The following CDH4 variants were observed in gnomAD, a reference collection of about 807,000 sequenced individuals.
CDH4 encodes cadherin 4, also known as cadherin-4.
Under a neutral mutation model 86.0 loss-of-function variants are expected in CDH4, and 33 were observed. That is an observed-to-expected ratio of 0.38 (90% CI 0.29 to 0.51). The LOEUF is 0.51. CDH4 is among the 20% of genes least tolerant of loss of function. The probability of loss-of-function intolerance (pLI) is 0.86; values close to 1 mark genes in which losing one functional copy is unlikely to be tolerated. For missense variants in CDH4, 1,114 were observed against 1,307.4 expected (o/e 0.85, Z 2.28); for synonymous variants, 555 against 549.4 (o/e 1.01, Z -0.14).
intron 2 of CDH4, among the ~76,000 whole-genome samples, chr20:61,497,058 G>A (rs2085668653): frequency 6.7e-6 from 1 of 148,628 alleles, no homozygotes; most frequent in African/African-American, 2.5e-5. Flanking sequence ...AGCCTCTTAC[G>A]TTCACCATTG....
intron 2 of CDH4, among the ~76,000 whole-genome samples, chr20:61,641,465 C>T (rs1197230559): frequency 6.6e-6 from 1 of 152,170 alleles, no homozygotes; most frequent in African/African-American, 2.4e-5. Flanking sequence ...CCAGAGCCCT[C>T]AAGGAATCAT....
chr20:61,594,249 A>G (rs1278346912), intron 2 of CDH4, among the ~76,000 whole-genome samples: 1 of 56,656 alleles, frequency 1.8e-5, no homozygotes, highest in Non-Finnish European at 3.3e-5. Flanking sequence ...TGAGCAGGGG[A>G]AGAGGGTGGG....
chr20:61,720,509 T>G (rs1600911065), intron 2 of CDH4, among the ~76,000 whole-genome samples: 2 of 87,540 alleles, frequency 2.3e-5, no homozygotes, highest in African/African-American at 9.2e-5. Context: ...GGATGCAGAG[T>G]GGAGGGGTAC....
Position 61,937,047 on chromosome 20 carries a change from T to C in CDH4, c.*104T>C. The stretch of plus-strand genomic sequence containing the variant: ...TTCCCGACTCCCTGCGGCTGTGTCC[T>C]TAGTGCTGTTAGGAGGCCCCCCAAT... On this transcript the variant is annotated 3_prime_UTR_variant, in exon 16 of 16. Coordinates refer to ENST00000614565, the MANE Select transcript of CDH4 (RefSeq NM_001794.5). 1 of 962,236 alleles carries C rather than the reference T, an allele frequency of 1.0e-6. No homozygotes were observed. Among genetic ancestry groups the C allele is most frequent in the Non-Finnish European group, 1.5e-6 (1 of 681,476 alleles). The allele number at this position is 962,236 out of a possible 1,614,324, so 59.6% of individuals were successfully genotyped here. A position where few individuals can be genotyped will look rare whatever the true frequency, so the allele number is the denominator to read the frequency against.
rs1980031117 is a variant in CDH4 at position 61,804,675 on chromosome 20, C to T, written c.576+31493C>T. On this transcript the variant is annotated intron_variant, in intron 4 of 15. Transcript: ENST00000614565. The stretch of plus-strand genomic sequence containing the variant: ...TCTGCTGCCTCAGTGTGGGGATCCT[C>T]CAGGGGAGGGAGTGGCCGTAGCCTC... Among the ~76,000 whole-genome samples the T allele has an allele frequency of 2.0e-5, 3 of 152,294 alleles. No homozygotes were observed. The South Asian group carries it at 6.2e-4, about 32-fold the overall frequency.
rs1202326089 is a variant in CDH4, at chr20:61,623,003, T to C, written c.170-120560T>C. Among the ~76,000 whole-genome samples, 1 of 152,146 alleles carries C rather than the reference T, an allele frequency of 6.6e-6. No individual in the cohort carries two copies. Among genetic ancestry groups the C allele is most frequent in the Non-Finnish European group, 1.5e-5 (1 of 68,032 alleles). ...TGCTTGGGACAGTGGGATAGGCCTG[T>C]TACCAACATGGACCACAACCAGTCA... On this transcript the variant is annotated intron_variant, in intron 2 of 15. Transcript: ENST00000614565. This position sits in a 1 kb window ranked among gnomAD's most constrained non-coding sequence, Gnocchi z 4.4.
At chr20:61,888,311 C>T (rs538621549) in intron 7 of CDH4, among the ~76,000 whole-genome samples, 16 of 152,314 alleles carry the variant, frequency 1.1e-4, no homozygotes, top group South Asian at 6.2e-4. Context: ...CTGCTGGCAC[C>T]GTCCCCAGCC....
intron 2 of CDH4, among the ~76,000 whole-genome samples, chr20:61,416,964 T>C (rs2243636): frequency 0.61 from 93,018 of 151,660 alleles, 29,359 homozygotes; most frequent in African/African-American, 0.76. Context: ...ATCTCGGGGG[T>C]TCTTCCAATT....
intron 2 of CDH4, among the ~76,000 whole-genome samples, chr20:61,348,452 A>T (rs775585878): frequency 6.6e-6 from 1 of 152,142 alleles, no homozygotes; most frequent in Non-Finnish European, 1.5e-5. Flanking sequence ...ACATAGCCAG[A>T]CCATATCAAT....
At chr20:61,646,479 G>T (rs528868750) in intron 2 of CDH4, among the ~76,000 whole-genome samples, 1 of 152,216 alleles carries the variant, frequency 6.6e-6, no homozygotes, top group Admixed American at 6.5e-5. Context: ...GGCTCACCCT[G>T]GCTCTGCCAT....
At chr20:61,872,541 G>C (rs1983853169) in intron 6 of CDH4, among the ~76,000 whole-genome samples, 1 of 152,196 alleles carries the variant, frequency 6.6e-6, no homozygotes, top group African/African-American at 2.4e-5. Context: ...CCGTCAGCCA[G>C]GGGAGGCACT....
intron 3 of CDH4, among the ~76,000 whole-genome samples, chr20:61,757,854 T>A (rs1226601497): frequency 6.6e-6 from 1 of 152,204 alleles, no homozygotes; most frequent in African/African-American, 2.4e-5. Context: ...GCCACAGGAC[T>A]GGACCTGAGT....
chr20:61,731,025 G>A (rs1600923624), intron 2 of CDH4, among the ~76,000 whole-genome samples: 1 of 152,076 alleles, frequency 6.6e-6, no homozygotes. Context: ...GGCAGCAAGG[G>A]TGTGCTGTGT....
intron 2 of CDH4, among the ~76,000 whole-genome samples, chr20:61,274,813 G>T (rs141203338): frequency 0.012 from 1,771 of 146,054 alleles, 18 homozygotes; most frequent in Non-Finnish European, 0.018. Context: ...GGAGTACCAT[G>T]TGCAGTTTGG....
intron 2 of CDH4, among the ~76,000 whole-genome samples, chr20:61,255,380 G>A (rs879256084): frequency 2.6e-5 from 4 of 152,174 alleles, no homozygotes; most frequent in Non-Finnish European, 5.9e-5. Context: ...CTGACAACAC[G>A]AAAACACACA....
At chr20:61,418,974 T>C (rs1481189507) in intron 2 of CDH4, among the ~76,000 whole-genome samples, 2 of 152,208 alleles carry the variant, frequency 1.3e-5, no homozygotes, top group East Asian at 3.9e-4. Flanking sequence ...CTGTGACTTC[T>C]CTTGTCATTG....
At chr20:61,286,941 A>G (rs948280643) in intron 2 of CDH4, among the ~76,000 whole-genome samples, 1 of 152,256 alleles carries the variant, frequency 6.6e-6, no homozygotes, top group African/African-American at 2.4e-5. Flanking sequence ...TGTCTTAAAC[A>G]TACTGGATGT....
At position 61,565,269 on chromosome 20, in the gene CDH4, GTCCTCTTGGTGATGGGGTGA is replaced by G. The variant is rs1438240117; in HGVS notation, c.170-178292_170-178273del. 4.5e-4 allele frequency among the ~76,000 whole-genome samples: 49 copies of G among 109,414 alleles called. 1 individual carries two copies. Among genetic ancestry groups the G allele is most frequent in the Admixed American group, 1.1e-3 (12 of 10,814 alleles). The allele number at this position is 109,414 out of a possible 152,430, so 71.8% of individuals were successfully genotyped here. Reference sequence around the variant, plus strand: ...GGTGCTCTTGGTGATGGTGGTGGTGGTCCTCTTGGTGATGGGGTGATGGTGGTGGCGGTGCTCTTGGTGGT... The same window carrying G: ...GGTGCTCTTGGTGATGGTGGTGGTGGTGGTGGTGGCGGTGCTCTTGGTGGT... On this transcript the variant is annotated intron_variant, in intron 2 of 15. Transcript: ENST00000614565.
intron 3 of CDH4, among the ~76,000 whole-genome samples, chr20:61,747,308 C>A (rs573666570): frequency 6.6e-6 from 1 of 151,864 alleles, no homozygotes; most frequent in African/African-American, 2.4e-5. Context: ...ATTAGCCGGG[C>A]GTAGTGGCAG....
Sources: allele counts gnomAD v4.1 joint callset (sites outside exome capture counted in the v4.1 genomes callset), GRCh38; gene constraint gnomAD v4.1.1; non-coding constraint Gnocchi (gnomAD v3.1); transcripts MANE v1.5; gene names NCBI Gene and HGNC (gene_info 2026-07-23, HGNC 2026-07-21).